The following ZNRF1 variants were observed in gnomAD, a reference collection of about 807,000 sequenced individuals.
The protein encoded by ZNRF1 is E3 ubiquitin-protein ligase ZNRF1.
Under a neutral mutation model 18.4 loss-of-function variants are expected in ZNRF1, and 3 were observed. The observed-to-expected ratio is 0.16, with a 90% confidence interval of 0.07 to 0.42. The LOEUF (loss-of-function observed/expected upper bound fraction) is 0.42, where lower values mean the gene tolerates loss of function less well. ZNRF1 is among the 10% of genes least tolerant of loss of function. The pLI is 0.99. For missense variants in ZNRF1, 310 were observed against 329.8 expected, an observed-to-expected ratio of 0.94 and a Z score of 0.47; for synonymous variants, 157 against 144.2, an observed-to-expected ratio of 1.09 and a Z score of -0.64.
chr16:75,010,387 G>T (rs770970516), intron 1 of ZNRF1, among the ~76,000 whole-genome samples: 1 of 152,072 alleles, frequency 6.6e-6, no homozygotes, highest in African/African-American at 2.4e-5. Flanking sequence ...TATTCCCCTC[G>T]GGAATAAGTA....
intron 1 of ZNRF1, among the ~76,000 whole-genome samples, chr16:75,058,847 G>T (rs985401966): frequency 1.3e-5 from 2 of 152,154 alleles, no homozygotes; most frequent in South Asian, 4.1e-4. Flanking sequence ...CAGGAGATGC[G>T]CTGGGCTTTC....
rs527607141 is a variant in ZNRF1, at chr16:75,031,290, C to G, written c.424+31195C>G. On this transcript the variant is annotated intron_variant, in intron 1 of 4. Coordinates refer to ENST00000335325, the MANE Select transcript of ZNRF1 (RefSeq NM_032268.5). ...AGGATTACAGGCGTGCACCACCAAA[C>G]CCAACTAATTTTTGTATTTTTAGTA... is the stretch of plus-strand genomic sequence containing the variant. Among the ~76,000 whole-genome samples the G allele has an allele frequency of 3.3e-5, 5 of 152,052 alleles. No homozygotes were observed. The East Asian group carries it at 9.7e-4, about 29-fold the overall frequency.
chr16:75,045,716 CTT>C (rs895489865), intron 1 of ZNRF1, among the ~76,000 whole-genome samples: 9 of 130,334 alleles, frequency 6.9e-5, no homozygotes, highest in African/African-American at 5.6e-5. Context: ...TCTTCTTCGT[CTT>C]TTTTTTTTTT....
chr16:75,100,459 G>A lies in ZNRF1; in HGVS notation c.521-4325G>A, dbSNP rs367836276. ...GTCAAGTCCAGTCTTGTCATAAAGC[G>A]CCTAAGCCTTATCCTCATACCTGCC... On this transcript the variant is annotated intron_variant, in intron 2 of 4. Coordinates refer to ENST00000335325, the MANE Select transcript of ZNRF1 (RefSeq NM_032268.5). Among the ~76,000 whole-genome samples, 20 of 152,186 alleles carry A rather than the reference G, an allele frequency of 1.3e-4. No homozygotes were observed. In the East Asian group the frequency reaches 2.7e-3, roughly 21 times the overall value.
chr16:75,036,145 A>G (rs2035373382), intron 1 of ZNRF1, among the ~76,000 whole-genome samples: 1 of 152,106 alleles, frequency 6.6e-6, no homozygotes, highest in African/African-American at 2.4e-5. Context: ...ATCTCAGCTC[A>G]CAGCAGCCTT....
intron 3 of ZNRF1, 95 bp downstream of exon 3, chr16:75,104,984 A>T (rs1325516964): frequency 1.9e-6 from 2 of 1,033,176 alleles, no homozygotes; most frequent in Non-Finnish European, 1.4e-6. Flanking sequence ...TTATGGGATG[A>T]CCTCTCCCCC....
At chr16:75,031,435 A>C (rs185013167) in intron 1 of ZNRF1, among the ~76,000 whole-genome samples, 1 of 151,864 alleles carries the variant, frequency 6.6e-6, no homozygotes, top group East Asian at 1.9e-4. Flanking sequence ...GCCATGTCCA[A>C]ATTTTTGTGT....
intron 1 of ZNRF1, among the ~76,000 whole-genome samples, chr16:75,070,250 G>A (rs903621545): frequency 2.0e-5 from 3 of 152,162 alleles, no homozygotes; most frequent in Non-Finnish European, 4.4e-5. Context: ...GGGCAGCAGG[G>A]CCGCCTAGCC....
At chr16:75,007,079 A>G (rs1311293229) in intron 1 of ZNRF1, among the ~76,000 whole-genome samples, 1 of 146,198 alleles carries the variant, frequency 6.8e-6, no homozygotes, top group East Asian at 2.0e-4. Flanking sequence ...TTTTTTTTTT[A>G]AGACAGGGTC....
At chr16:75,087,063 G>C (rs768842983) in intron 1 of ZNRF1, among the ~76,000 whole-genome samples, 2 of 152,178 alleles carry the variant, frequency 1.3e-5, no homozygotes, top group Non-Finnish European at 2.9e-5. Flanking sequence ...AATGAGAAGT[G>C]CATTGGTCTC....
At chr16:75,026,932 A>G (rs921116015) in intron 1 of ZNRF1, among the ~76,000 whole-genome samples, 1 of 151,510 alleles carries the variant, frequency 6.6e-6, no homozygotes, top group African/African-American at 2.4e-5. Context: ...GAAAAAGAAT[A>G]TCACTAATAA....
chr16:75,032,282 G>C (rs1348704290), intron 1 of ZNRF1, among the ~76,000 whole-genome samples: 1 of 136,408 alleles, frequency 7.3e-6, no homozygotes, highest in Admixed American at 7.8e-5. Context: ...GCTAAGTTTT[G>C]TATTTTTGTA....
rs145330134 is a variant in ZNRF1 at position 75,068,652 on chromosome 16, C to T, written c.425-24920C>T. 4.3e-3 allele frequency among the ~76,000 whole-genome samples: 657 copies of T among 152,200 alleles called. 3 individuals are homozygous for T. The highest frequency in any genetic ancestry group is 0.012 in the Admixed American group (179 of 15,282). ...TACCCCAGGTGTGTGTGAGGGCCTC[C>T]GAGACCAGCTGCTGCAGTGGATGAG... On this transcript the variant is annotated intron_variant, in intron 1 of 4. Coordinates refer to ENST00000335325, the MANE Select transcript of ZNRF1 (RefSeq NM_032268.5).
chr16:75,020,566 G>T (rs2035131229), intron 1 of ZNRF1, among the ~76,000 whole-genome samples: 1 of 150,024 alleles, frequency 6.7e-6, no homozygotes, highest in African/African-American at 2.5e-5. Context: ...TTTTGAGATG[G>T]AGTCTCGCTG....
At chr16:75,036,946 A>G (rs2035383770) in intron 1 of ZNRF1, among the ~76,000 whole-genome samples, 1 of 152,178 alleles carries the variant, frequency 6.6e-6, no homozygotes, top group East Asian at 1.9e-4. Flanking sequence ...GGGAGAGAAG[A>G]GAGAAGGTGA....
chr16:75,103,619 G>A (rs9937450), intron 2 of ZNRF1, among the ~76,000 whole-genome samples: 151,267 of 152,332 alleles, frequency 0.99, 75,113 homozygotes, highest in East Asian at 1. Flanking sequence ...ACAATACTAT[G>A]TTGTACACTT....
At chr16:75,055,429 A>G (rs563223013) in intron 1 of ZNRF1, among the ~76,000 whole-genome samples, 14 of 152,246 alleles carry the variant, frequency 9.2e-5, no homozygotes, top group African/African-American at 2.9e-4. Flanking sequence ...CAGTGCCCTA[A>G]GTTATTGGAT....
chr16:75,072,417 A>G (rs2035880872), intron 1 of ZNRF1, among the ~76,000 whole-genome samples: 1 of 152,122 alleles, frequency 6.6e-6, no homozygotes, highest in African/African-American at 2.4e-5. Flanking sequence ...CCCTGTCGTA[A>G]TGCTGATCAC....
chr16:75,047,550 CTGTT>C (rs575329597), intron 1 of ZNRF1, among the ~76,000 whole-genome samples: 40 of 152,336 alleles, frequency 2.6e-4, no homozygotes, highest in Non-Finnish European at 5.0e-4. Context: ...ACTTTTGTGT[CTGTT>C]TGTTTTCTAA....
Sources: allele counts gnomAD v4.1 joint callset (sites outside exome capture counted in the v4.1 genomes callset), GRCh38; gene constraint gnomAD v4.1.1; transcripts MANE v1.5; gene names NCBI Gene and HGNC (gene_info 2026-07-23, HGNC 2026-07-21).